The following COL5A2 variants were observed in gnomAD, a reference collection of about 807,000 sequenced individuals.
COL5A2 encodes collagen alpha-2(V) chain.
COL5A2 carries 23 observed loss-of-function variants against 208.2 expected under a neutral mutation model. The ratio of observed to expected loss-of-function variants is 0.11; its 90% CI spans 0.08 to 0.16. The LOEUF is 0.16. Ranked by LOEUF, COL5A2 falls within the 10% of genes least tolerant of loss-of-function variation. The pLI, the probability that COL5A2 is intolerant of heterozygous loss-of-function variation, is 1.00. For missense variants in COL5A2, 1,590 were observed against 1,956.4 expected (o/e 0.81, Z 3.53); for synonymous variants, 625 against 628.5 (o/e 0.99, Z 0.08).
At chr2:189,187,448 G>C (rs1438896952) in intron 1 of COL5A2, among the ~76,000 whole-genome samples, 1 of 152,156 alleles carries the variant, frequency 6.6e-6, no homozygotes, top group Non-Finnish European at 1.5e-5. Flanking sequence ...CCTGGGTCAT[G>C]ATGAAAACAT....
chr2:189,435,214 A>G, the COL5A2 span, among the ~76,000 whole-genome samples: 49 of 152,344 alleles, frequency 3.2e-4, no homozygotes, highest in African/African-American at 1.2e-3. Context: ...ACCTAAAACC[A>G]TAAAAACCCT....
intron 35 of COL5A2, among the ~76,000 whole-genome samples, chr2:189,055,243 C>A (rs1331015841): frequency 6.6e-6 from 1 of 152,148 alleles, no homozygotes; most frequent in Non-Finnish European, 1.5e-5. Context: ...GCCTAAAACC[C>A]CAGCTACTTT....
chr2:189,092,137 C>T (rs1231165429), intron 7 of COL5A2, among the ~76,000 whole-genome samples, 173 bp downstream of exon 7: 1 of 152,150 alleles, frequency 6.6e-6, no homozygotes, highest in Non-Finnish European at 1.5e-5. Context: ...CCAATTTTTC[C>T]AACAATTCCC....
the COL5A2 span, among the ~76,000 whole-genome samples, chr2:189,317,462 A>G: frequency 6.6e-6 from 1 of 152,142 alleles, no homozygotes; most frequent in South Asian, 2.1e-4. Context: ...AATACTTTCT[A>G]TGTACTGTTA....
the COL5A2 span, among the ~76,000 whole-genome samples, chr2:189,271,506 C>A: frequency 1.3e-5 from 2 of 152,040 alleles, no homozygotes; most frequent in Non-Finnish European, 2.9e-5. Flanking sequence ...CAAAAATTAA[C>A]TCAAGATAGA....
intron 17 of COL5A2, among the ~76,000 whole-genome samples, chr2:189,072,551 C>G (rs879937678): frequency 6.6e-6 from 1 of 152,088 alleles, no homozygotes; most frequent in Non-Finnish European, 1.5e-5. Context: ...GCAGGCAGAT[C>G]ACCTGAGGTC....
rs946523552 is a variant in COL5A2 at position 189,033,433 on chromosome 2, A to G, written c.*637T>C. Reference sequence around the variant, plus strand: ...AATTCACTTTGTTCTCCAAAATGCCACTGAATATATACTATTTAAAAATTC... The same window carrying G: ...AATTCACTTTGTTCTCCAAAATGCCGCTGAATATATACTATTTAAAAATTC... On this transcript the variant is annotated 3_prime_UTR_variant, in exon 54 of 54. Coordinates refer to ENST00000374866, the MANE Select transcript of COL5A2 (RefSeq NM_000393.5). 6.6e-6 allele frequency: 1 copy of G among 152,478 alleles called. No individual in the cohort carries two copies. Among genetic ancestry groups the G allele is most frequent in the African/African-American group, 2.4e-5 (1 of 41,416 alleles). 9.4% of individuals were successfully genotyped at this position (152,478 alleles called of 1,614,324 possible). A position where few individuals can be genotyped will look rare whatever the true frequency, so the allele number is the denominator to read the frequency against.
chr2:189,076,820 C>T (rs1481411440), intron 16 of COL5A2, among the ~76,000 whole-genome samples: 3 of 152,108 alleles, frequency 2.0e-5, no homozygotes, highest in Non-Finnish European at 2.9e-5. Context: ...GTGACTCATG[C>T]CTGTAATTCC....
intron 44 of COL5A2, 51 bp downstream of exon 44, chr2:189,049,296 T>C (rs755519283): frequency 7.8e-7 from 1 of 1,287,464 alleles, no homozygotes; most frequent in South Asian, 1.3e-5. Context: ...AAAAAATTGT[T>C]TCCATGACAC....
At chr2:189,183,799 C>T (rs1688813026), upstream of COL5A2, among the ~76,000 whole-genome samples, 1 of 152,106 alleles carries the variant, frequency 6.6e-6, no homozygotes. Context: ...AATAATAATG[C>T]ATGCCTATTT....
At chr2:189,435,386 G>C in the COL5A2 span, among the ~76,000 whole-genome samples, 2 of 152,112 alleles carry the variant, frequency 1.3e-5, no homozygotes, top group African/African-American at 4.8e-5. Context: ...AGAGTGAACA[G>C]GCAACCTACA....
At chr2:189,343,883 G>A in the COL5A2 span, among the ~76,000 whole-genome samples, 1 of 152,006 alleles carries the variant, frequency 6.6e-6, no homozygotes, top group Non-Finnish European at 1.5e-5. Context: ...ATATATAGAA[G>A]AGACAAATAT....
chr2:189,437,960 C>T, the COL5A2 span, among the ~76,000 whole-genome samples: 1 of 151,386 alleles, frequency 6.6e-6, no homozygotes, highest in South Asian at 2.1e-4. Flanking sequence ...ATCCTTCTCA[C>T]TAATGGGAAA....
At chr2:189,144,026 T>C (rs1011510014) in intron 1 of COL5A2, among the ~76,000 whole-genome samples, 6 of 152,094 alleles carry the variant, frequency 3.9e-5, no homozygotes, top group African/African-American at 1.2e-4. Context: ...CCCAGATCTT[T>C]AGAGGAGGAA....
intron 1 of COL5A2, among the ~76,000 whole-genome samples, chr2:189,121,905 G>C (rs1687509909): frequency 6.6e-6 from 1 of 152,084 alleles, no homozygotes; most frequent in Non-Finnish European, 1.5e-5. Flanking sequence ...AGAAAACACT[G>C]TGAAGTAAGA....
At position 189,167,944 on chromosome 2, in the gene COL5A2, A is replaced by ATTT. The variant is rs71020985; in HGVS notation, c.97+11561_97+11563dup. Among the ~76,000 whole-genome samples, 618 of 139,904 alleles carry ATTT rather than the reference A, an allele frequency of 4.4e-3. 14 individuals are homozygous for ATTT. The highest frequency in any genetic ancestry group is 5.8e-3 in the Non-Finnish European group (378 of 65,362). The allele number at this position is 139,904 out of a possible 152,430, so 91.8% of individuals were successfully genotyped here. A position where few individuals can be genotyped will look rare whatever the true frequency, so the allele number is the denominator to read the frequency against. Reference sequence around the variant, plus strand: ...CTCTTTTTTCCCAGTACAAACTCCTATTTTTTTTTTTTTGAGACGGACTCT... The same window carrying ATTT: ...CTCTTTTTTCCCAGTACAAACTCCTATTTTTTTTTTTTTTTTGAGACGGACTCT... On this transcript the variant is annotated intron_variant, in intron 1 of 53. Coordinates refer to ENST00000374866, the MANE Select transcript of COL5A2 (RefSeq NM_000393.5).
intron 1 of COL5A2, among the ~76,000 whole-genome samples, chr2:189,133,362 A>G (rs1367369585): frequency 6.6e-6 from 1 of 151,290 alleles, no homozygotes; most frequent in Non-Finnish European, 1.5e-5. Context: ...TGCGTAATCC[A>G]CCCACCGCGG....
intron 1 of COL5A2, among the ~76,000 whole-genome samples, chr2:189,189,462 T>A (rs1688896573): frequency 6.6e-6 from 1 of 152,154 alleles, no homozygotes; most frequent in East Asian, 1.9e-4. Flanking sequence ...GGCCGGAGAA[T>A]CACCTGAGGC....
At position 189,063,935 on chromosome 2, in the gene COL5A2, G is replaced by A. The variant is rs747426367; in HGVS notation, c.1770+45C>T. 42 of 1,476,334 alleles carry A rather than the reference G, an allele frequency of 2.8e-5. 1 individual carries two copies. The Admixed American group carries it at 6.9e-4, about 24-fold the overall frequency. The allele number at this position is 1,476,334 out of a possible 1,614,324, so 91.5% of individuals were successfully genotyped here. ...TAAATATCATTTAAGTTGCATGTCT[G>A]TTGAAAAATATTAGTGGTTGTGGAC... On this transcript the variant is annotated intron_variant, in intron 26 of 53. Transcript: ENST00000374866.
Sources: allele counts gnomAD v4.1 joint callset (sites outside exome capture counted in the v4.1 genomes callset), GRCh38; gene constraint gnomAD v4.1.1; transcripts MANE v1.5; gene names NCBI Gene and HGNC (gene_info 2026-07-23, HGNC 2026-07-21).